UGT1A7: variants seen among roughly 807,000 people sequenced by gnomAD.
UGT1A7 encodes the protein UDP-glucuronosyltransferase 1A7.
In UGT1A7, 33 loss-of-function variants were observed where a neutral mutation model predicts 45.6. The observed-to-expected ratio is 0.72, with a 90% confidence interval of 0.55 to 0.97. UGT1A7 has a LOEUF of 0.97. Ranked by LOEUF, UGT1A7 falls within the 50% of genes least tolerant of loss-of-function variation. The pLI is 0.00. For synonymous variants in UGT1A7, 274 were observed against 250.6 expected (o/e 1.09, Z -0.88); for missense variants, 684 against 666.2 (o/e 1.03, Z -0.29).
intron 1 of UGT1A7, among the ~76,000 whole-genome samples, chr2:233,689,353 T>C (rs1181537537): frequency 6.6e-6 from 1 of 152,248 alleles, no homozygotes; most frequent in Non-Finnish European, 1.5e-5. Context: ...AAGGAAGGCA[T>C]TTATGTGCAG....
At chr2:233,694,733 T>C (rs1314036348) in intron 1 of UGT1A7, among the ~76,000 whole-genome samples, 1 of 152,174 alleles carries the variant, frequency 6.6e-6, no homozygotes, top group South Asian at 2.1e-4. Context: ...TGTTAACAAT[T>C]TGAACAGTTG....
Position 233,731,393 on chromosome 2 carries a change from G to A in UGT1A7, c.856-35641G>A, listed in dbSNP as rs558248956. Among the ~76,000 whole-genome samples the A allele has an allele frequency of 1.5e-3, 233 of 151,488 alleles. 2 individuals are homozygous for A. Among genetic ancestry groups the A allele is most frequent in the African/African-American group, 5.3e-3 (218 of 41,268 alleles). On this transcript the variant is annotated intron_variant, in intron 1 of 4. Coordinates refer to ENST00000373426, the MANE Select transcript of UGT1A7 (RefSeq NM_019077.3). ...GTTGGTTTCCTGCACCCACCAACTC[G>A]TCATTTACATTAGGTATTTTTCCTA...
chr2:233,755,126 C>T, intron 1 of UGT1A7: 1 of 1,323,304 alleles, frequency 7.6e-7, no homozygotes, highest in Non-Finnish European at 1.0e-6. Flanking sequence ...CCTCAGCCAC[C>T]TGCTTGAATC....
intron 1 of UGT1A7, chr2:233,761,270 C>T (rs990068200): frequency 1.9e-6 from 3 of 1,591,968 alleles, no homozygotes; most frequent in Non-Finnish European, 2.6e-6. Context: ...AAAATGCCCT[C>T]TTTTGTTAAT....
At chr2:233,715,989 A>G (rs1242596937) in intron 1 of UGT1A7, among the ~76,000 whole-genome samples, 1 of 152,116 alleles carries the variant, frequency 6.6e-6, no homozygotes, top group East Asian at 1.9e-4. Flanking sequence ...TTAAAACACA[A>G]CAAAACCCAA....
intron 1 of UGT1A7, among the ~76,000 whole-genome samples, chr2:233,727,601 G>A (rs565458443): frequency 3.4e-4 from 52 of 152,170 alleles, no homozygotes; most frequent in Non-Finnish European, 4.4e-4. Flanking sequence ...GGGGGTTGGA[G>A]GAATAGTTCA....
At chr2:233,725,264 GGAGGCAGAGGCAGAGGCA>G (rs551912265) in intron 1 of UGT1A7, among the ~76,000 whole-genome samples, 25,828 of 58,216 alleles carry the variant, frequency 0.44, 8,681 homozygotes, top group East Asian at 0.63. Context: ...CAGAGGCAGA[GGAGGCAGAGGCAGAGGCA>G]GAGGCAGAGG....
intron 1 of UGT1A7, among the ~76,000 whole-genome samples, chr2:233,751,287 T>G (rs1462877412): frequency 6.6e-6 from 1 of 151,922 alleles, no homozygotes; most frequent in Admixed American, 6.5e-5. Context: ...GTTTCTCCCA[T>G]TTGGAATGGG....
intron 1 of UGT1A7, chr2:233,729,851 A>C: frequency 6.2e-7 from 1 of 1,613,640 alleles, no homozygotes; most frequent in African/African-American, 1.3e-5. Context: ...TTTCAGAGAG[A>C]GGTGTCAGTG....
chr2:233,760,978 G>A, intron 1 of UGT1A7: 1 of 1,614,208 alleles, frequency 6.2e-7, no homozygotes, highest in Non-Finnish European at 8.5e-7. Flanking sequence ...TTCCCCGTAT[G>A]CAACCCTTGC....
intron 1 of UGT1A7, among the ~76,000 whole-genome samples, chr2:233,701,918 C>T (rs936190696): frequency 6.6e-6 from 1 of 152,056 alleles, no homozygotes; most frequent in Non-Finnish European, 1.5e-5. Context: ...GACACCCTAA[C>T]ATCACAATTA....
At chr2:233,685,534 C>A (rs558249982) in intron 1 of UGT1A7, among the ~76,000 whole-genome samples, 1 of 152,210 alleles carries the variant, frequency 6.6e-6, no homozygotes, top group Admixed American at 6.5e-5. Flanking sequence ...CCATTGCTCT[C>A]GCATTCTGTT....
At chr2:233,771,806 T>C (rs1391342428) in intron 4 of UGT1A7, among the ~76,000 whole-genome samples, 2 of 140,682 alleles carry the variant, frequency 1.4e-5, no homozygotes, top group South Asian at 5.4e-4. Flanking sequence ...CTCCCTCCCT[T>C]CCTCCTTTCC....
At chr2:233,760,250 G>T in intron 1 of UGT1A7, 1 of 1,601,220 alleles carries the variant, frequency 6.2e-7, no homozygotes. Context: ...ATATATATAA[G>T]TAGGAGAGGG....
At position 233,719,697 on chromosome 2, in the gene UGT1A7, G is replaced by T. The variant is rs768448140; in HGVS notation, c.855+36905G>T. ...GAAGCCACTATCTCAGGTCTGTATT[G>T]GTGCCTTCATCCAATCAATGTTCCA... On this transcript the variant is annotated intron_variant, in intron 1 of 4. Coordinates refer to ENST00000373426, the MANE Select transcript of UGT1A7 (RefSeq NM_019077.3). 1.2e-5 allele frequency: 19 copies of T among 1,613,928 alleles called. No homozygotes were observed. In the South Asian group the frequency reaches 1.9e-4, roughly 16 times the overall value.
intron 1 of UGT1A7, chr2:233,693,814 C>T (rs2075182477): frequency 6.2e-7 from 1 of 1,614,220 alleles, no homozygotes; most frequent in Non-Finnish European, 8.5e-7. Context: ...TCATGCCCAA[C>T]ATGGTCTTCA....
intron 1 of UGT1A7, chr2:233,760,619 A>G: frequency 6.2e-7 from 1 of 1,614,198 alleles, no homozygotes; most frequent in Non-Finnish European, 8.5e-7. Flanking sequence ...CGTGTGATCA[A>G]AACATACAAG....
chr2:233,757,096 G>T (rs1286563968), intron 1 of UGT1A7, among the ~76,000 whole-genome samples: 1 of 151,374 alleles, frequency 6.6e-6, no homozygotes, highest in Non-Finnish European at 1.5e-5. Flanking sequence ...GAGGCAGAGG[G>T]AGGGGGCAAG....
chr2:233,772,910 T>G lies in UGT1A7; in HGVS notation c.*351T>G, dbSNP rs1169260027. 5.1e-6 allele frequency: 2 copies of G among 393,790 alleles called. No individual in the cohort carries two copies. Among genetic ancestry groups the G allele is most frequent in the Non-Finnish European group, 8.9e-6 (2 of 225,424 alleles). The allele number at this position is 393,790 out of a possible 1,614,324, so 24.4% of individuals were successfully genotyped here. A position where few individuals can be genotyped will look rare whatever the true frequency, so the allele number is the denominator to read the frequency against. On this transcript the variant is annotated 3_prime_UTR_variant, in exon 5 of 5. Transcript: ENST00000373426. ...AAGGTGGTCCCACGGCTGCCCCTAC[T>G]GCAAATGGCAGTTTTAATCTTATCT...
Sources: gnomAD v4.1 joint callset for allele counts (sites outside exome capture counted in the v4.1 genomes callset) on GRCh38, gnomAD v4.1.1 for gene constraint, MANE v1.5 for transcripts, NCBI Gene and HGNC (gene_info 2026-07-23, HGNC 2026-07-21) for gene names.